ATP8A2: variants seen among roughly 807,000 people sequenced by gnomAD.
ATP8A2 encodes the protein phospholipid-transporting ATPase IB.
A neutral mutation model predicts 165.6 loss-of-function variants in ATP8A2; 100 were observed. The observed-to-expected ratio is 0.60, with a 90% CI of 0.51 to 0.71. ATP8A2 has a LOEUF of 0.71. Among genes scored for constraint, ATP8A2 ranks in the 30% least tolerant of loss-of-function variants. The pLI, the probability that ATP8A2 is intolerant of heterozygous loss-of-function variation, is 0.00. For missense variants in ATP8A2, 1,227 were observed against 1,479.5 expected (o/e 0.83, Z 2.80); for synonymous variants, 543 against 548.8 (o/e 0.99, Z 0.15).
intron 33 of ATP8A2, among the ~76,000 whole-genome samples, chr13:25,916,197 T>C (rs1954262739): frequency 6.6e-6 from 1 of 152,222 alleles, no homozygotes; most frequent in Non-Finnish European, 1.5e-5. Context: ...TTGCAGACCA[T>C]TTTCACATAA....
In ATP8A2 at chr13:25,919,553, C is replaced by A. The variant is rs184869239; in HGVS notation, c.3184-42022C>A. On this transcript the variant is annotated intron_variant, in intron 33 of 36. Transcript: ENST00000381655. ...GCCTCAGGATTCTCTACCCCTCCTCCAGCTCCTGCCCTAAGAGACTACAGT... is the reference window on the plus strand; with the variant it reads ...GCCTCAGGATTCTCTACCCCTCCTCAAGCTCCTGCCCTAAGAGACTACAGT... Among the ~76,000 whole-genome samples, 1,035 of 152,202 alleles carry A rather than the reference C, an allele frequency of 6.8e-3. 7 individuals are homozygous for A. Among genetic ancestry groups the A allele is most frequent in the African/African-American group, 0.024 (997 of 41,526 alleles).
chr13:25,663,819 A>G (rs1181393519), intron 24 of ATP8A2, among the ~76,000 whole-genome samples: 1 of 152,204 alleles, frequency 6.6e-6, no homozygotes, highest in Non-Finnish European at 1.5e-5. Flanking sequence ...ATTTTTATTA[A>G]CCATAAGTGA....
chr13:25,422,937 T>G (rs2138109950), intron 1 of ATP8A2, among the ~76,000 whole-genome samples: 1 of 152,346 alleles, frequency 6.6e-6, no homozygotes, highest in Non-Finnish European at 1.5e-5. Context: ...TTGCAGTTTT[T>G]GGTAATAGTT....
chr13:25,606,823 G>C (rs2040529093), intron 24 of ATP8A2, among the ~76,000 whole-genome samples: 1 of 152,128 alleles, frequency 6.6e-6, no homozygotes, highest in South Asian at 2.1e-4. Context: ...TAACTAGTTT[G>C]GTTGAGGAAC....
chr13:25,516,663 A>G (rs2037481094), intron 2 of ATP8A2, among the ~76,000 whole-genome samples: 1 of 151,782 alleles, frequency 6.6e-6, no homozygotes, highest in African/African-American at 2.4e-5. Flanking sequence ...ATTGAGAAGA[A>G]TCTCATTAAA....
intron 27 of ATP8A2, among the ~76,000 whole-genome samples, chr13:25,775,900 G>A (rs1328962039): frequency 1.3e-5 from 2 of 152,182 alleles, no homozygotes; most frequent in Non-Finnish European, 2.9e-5. Flanking sequence ...CAAGTGCCTT[G>A]CTAAGGTAGC....
At chr13:25,961,715 A>G (rs761778415) in intron 34 of ATP8A2, 52 bp downstream of exon 34, 1 of 1,378,554 alleles carries the variant, frequency 7.3e-7, no homozygotes, top group African/African-American at 1.4e-5. Flanking sequence ...CTGTCCCTGG[A>G]ATTGTCTTTC....
At chr13:25,880,352 C>T (rs192703592) in intron 33 of ATP8A2, among the ~76,000 whole-genome samples, 36 of 129,454 alleles carry the variant, frequency 2.8e-4, no homozygotes, top group East Asian at 2.4e-3. Context: ...TTTGTTTTCA[C>T]AGGATACTGT....
chr13:25,741,239 G>T (rs924537015), intron 25 of ATP8A2, among the ~76,000 whole-genome samples: 1 of 152,140 alleles, frequency 6.6e-6, no homozygotes, highest in African/African-American at 2.4e-5. Flanking sequence ...AAGCTAAGTT[G>T]GAAGTCAGAT....
chr13:25,833,962 A>G (rs1338019103), intron 28 of ATP8A2, among the ~76,000 whole-genome samples: 1 of 152,266 alleles, frequency 6.6e-6, no homozygotes, highest in Non-Finnish European at 1.5e-5. Flanking sequence ...AGGATAAGCC[A>G]TGGATAGAAA....
At chr13:25,970,456 C>T (rs755945699) in intron 35 of ATP8A2, among the ~76,000 whole-genome samples, 10 of 152,194 alleles carry the variant, frequency 6.6e-5, no homozygotes, top group Non-Finnish European at 1.3e-4. Flanking sequence ...TGGCACATGC[C>T]AAGGCTCAGG....
chr13:26,017,514 C>T (rs139060288), intron 36 of ATP8A2, among the ~76,000 whole-genome samples: 66 of 152,324 alleles, frequency 4.3e-4, no homozygotes, highest in African/African-American at 1.5e-3. Flanking sequence ...GTGTGTGCCA[C>T]ACGGTGCCAG....
At chr13:25,513,337 C>T (rs936114792) in intron 2 of ATP8A2, among the ~76,000 whole-genome samples, 3 of 151,130 alleles carry the variant, frequency 2.0e-5, no homozygotes, top group African/African-American at 7.3e-5. Flanking sequence ...GGGGCAGAGG[C>T]GCTCCCCACA....
chr13:25,754,749 A>G (rs1489127933), intron 25 of ATP8A2, among the ~76,000 whole-genome samples: 1 of 152,182 alleles, frequency 6.6e-6, no homozygotes, highest in African/African-American at 2.4e-5. Context: ...CTGTTTTTTA[A>G]TATAGCAAAA....
Position 25,703,538 on chromosome 13 carries a change from G to A in ATP8A2, c.2384+4193G>A, listed in dbSNP as rs369996510. Among the ~76,000 whole-genome samples, 6 of 152,174 alleles carry A rather than the reference G, an allele frequency of 3.9e-5. No homozygotes were observed. The East Asian group carries it at 1.2e-3, about 29-fold the overall frequency. On this transcript the variant is annotated intron_variant, in intron 25 of 36. Coordinates refer to ENST00000381655, the MANE Select transcript of ATP8A2 (RefSeq NM_016529.6). Reference sequence around the variant, plus strand: ...ATGTCCATAATGTTCATAGCAGCACGGCCCACAGTAGCCTCAAATTGGAAA... The same window carrying A: ...ATGTCCATAATGTTCATAGCAGCACAGCCCACAGTAGCCTCAAATTGGAAA...
intron 35 of ATP8A2, among the ~76,000 whole-genome samples, chr13:25,991,326 G>A (rs1363439598): frequency 1.3e-5 from 2 of 152,080 alleles, no homozygotes; most frequent in East Asian, 1.9e-4. Context: ...TAGAAAGCTC[G>A]CATATACCCT....
chr13:25,803,745 C>G (rs1950670160), intron 27 of ATP8A2, among the ~76,000 whole-genome samples: 2 of 152,232 alleles, frequency 1.3e-5, no homozygotes, highest in South Asian at 4.1e-4. Flanking sequence ...GTTCACTTAG[C>G]CAAACCTGTT....
At chr13:25,480,488 C>T (rs544565663) in intron 2 of ATP8A2, among the ~76,000 whole-genome samples, 119 of 149,642 alleles carry the variant, frequency 8.0e-4, no homozygotes, top group Non-Finnish European at 1.1e-3. Flanking sequence ...GGGTCGCGGC[C>T]GGGCAGAGGC....
At chr13:25,511,489 G>A (rs2037223393) in intron 2 of ATP8A2, among the ~76,000 whole-genome samples, 1 of 152,052 alleles carries the variant, frequency 6.6e-6, no homozygotes, top group South Asian at 2.1e-4. Flanking sequence ...TGGGGTGGGG[G>A]GTTGCTTTCT....
Sources: gnomAD v4.1 joint callset for allele counts (sites outside exome capture counted in the v4.1 genomes callset) on GRCh38, gnomAD v4.1.1 for gene constraint, MANE v1.5 for transcripts, NCBI Gene and HGNC (gene_info 2026-07-23, HGNC 2026-07-21) for gene names.